The following HGSNAT variants were observed in gnomAD, a reference collection of about 807,000 sequenced individuals.
HGSNAT encodes the protein heparan-alpha-glucosaminide N-acetyltransferase, also known as transmembrane protein 76.
In HGSNAT, 59 loss-of-function variants were observed where a neutral mutation model predicts 85.2. The observed-to-expected ratio is 0.69, with a 90% CI of 0.56 to 0.86. The LOEUF (loss-of-function observed/expected upper bound fraction) is 0.86. Among genes scored for constraint, HGSNAT ranks in the 40% least tolerant of loss-of-function variants. The pLI is 0.00. For synonymous variants in HGSNAT, 321 were observed against 304.5 expected (o/e 1.05, Z -0.56); for missense variants, 756 against 777.1 (o/e 0.97, Z 0.32).
Position 43,147,004 on chromosome 8 carries a change from C to T in HGSNAT, c.175C>T (p.His59Tyr), listed in dbSNP as rs200689598. The change falls in exon 2 of 18, where the codon CAT (histidine) becomes TAT (tyrosine). Residue 59 changes from histidine (H) to tyrosine (Y), a missense_variant. By Grantham distance (83) the His-to-Tyr change is moderately conservative. Coordinates refer to ENST00000379644, the MANE Select transcript of HGSNAT (RefSeq NM_152419.3). ...LKMDQALLLI[H>Y]NELLWTNLTV... ...GATGGATCAGGCTTTGCTACTCATC[C>T]ATAATGAACTTCTCTGGACCAACTT... is the stretch of plus-strand genomic sequence containing the variant. The T allele has an allele frequency of 1.9e-6, 3 of 1,610,676 alleles. No individual in the cohort carries two copies. The highest frequency in any genetic ancestry group is 2.5e-6 in the Non-Finnish European group (3 of 1,179,048).
At chr8:43,165,407 C>T (rs1165024848) in intron 5 of HGSNAT, among the ~76,000 whole-genome samples, 1 of 152,010 alleles carries the variant, frequency 6.6e-6, no homozygotes, top group African/African-American at 2.4e-5. Flanking sequence ...TCAGATACAA[C>T]AATATTGAAA....
Position 43,140,502 on chromosome 8 carries a change from C to A in HGSNAT, c.6C>A (p.Ser2Arg), listed in dbSNP as rs535427008. 1.2e-5 allele frequency: 12 copies of A among 1,040,666 alleles called. No homozygotes were observed. The African/African-American group carries it at 2.1e-4, about 18-fold the overall frequency. 64.5% of individuals were successfully genotyped at this position (1,040,666 alleles called of 1,614,324 possible). The change falls in exon 1 of 18, where the codon AGC becomes AGA. Residue 2 changes from serine to arginine, a missense_variant. By Grantham distance (110) the Ser-to-Arg change is moderately radical (BLOSUM62 -1). Transcript: ENST00000379644. M[S>R]GAGRALAALL... ...CGGCCGAGCGGGCGGCGGGCATGAG[C>A]GGGGCGGGCAGGGCGCTGGCCGCGC...
intron 4 of HGSNAT, 126 bp downstream of exon 4, chr8:43,159,170 T>A (rs369207562): frequency 3.6e-6 from 3 of 823,876 alleles, no homozygotes; most frequent in East Asian, 2.7e-5. Context: ...CTTAGGTCAT[T>A]GATGAGCACC....
chr8:43,183,829 C>A (rs532695634), intron 11 of HGSNAT, among the ~76,000 whole-genome samples: 1 of 152,244 alleles, frequency 6.6e-6, no homozygotes, highest in African/African-American at 2.4e-5. Flanking sequence ...TGTTCCCCAC[C>A]CTGTGACCAA....
intron 14 of HGSNAT, chr8:43,196,708 C>G: frequency 1.7e-6 from 1 of 576,706 alleles, no homozygotes; most frequent in South Asian, 1.9e-5. Flanking sequence ...ACCTCTGTGG[C>G]TCGTCCTCTC....
chr8:43,194,980 T>G, intron 14 of HGSNAT, among the ~76,000 whole-genome samples: 1 of 152,156 alleles, frequency 6.6e-6, no homozygotes, highest in Non-Finnish European at 1.5e-5. Flanking sequence ...AAAATTTTTT[T>G]TCTCCTCTGT....
chr8:43,176,059 G>A (rs543946845), intron 9 of HGSNAT, among the ~76,000 whole-genome samples: 2 of 152,074 alleles, frequency 1.3e-5, no homozygotes, highest in African/African-American at 2.4e-5. Flanking sequence ...ATATGATCCC[G>A]TTTGTCCATT....
intron 7 of HGSNAT, among the ~76,000 whole-genome samples, chr8:43,171,269 A>G (rs940657530): frequency 5.9e-5 from 9 of 152,178 alleles, no homozygotes; most frequent in Non-Finnish European, 1.0e-4. Flanking sequence ...TCTGAACTCT[A>G]GTGACAACCC....
chr8:43,164,797 A>C (rs973260246), intron 5 of HGSNAT, among the ~76,000 whole-genome samples: 1 of 152,152 alleles, frequency 6.6e-6, no homozygotes, highest in African/African-American at 2.4e-5. Flanking sequence ...ATAAAAAATA[A>C]AGTGAGAGAC....
At position 43,192,841 on chromosome 8, in the gene HGSNAT, G is replaced by A. The variant is rs540208184; in HGVS notation, c.1377+411G>A. Among the ~76,000 whole-genome samples, 85 of 152,254 alleles carry A rather than the reference G, an allele frequency of 5.6e-4. 1 individual carries two copies. The highest frequency in any genetic ancestry group is 1.9e-3 in the African/African-American group (80 of 41,552). The stretch of plus-strand genomic sequence containing the variant: ...ATCATAGCACAGTGCTTTTCTGTAC[G>A]TCTCAGGTCGGATTTCCTGGCAGCA... On this transcript the variant is annotated intron_variant, in intron 13 of 17. Transcript: ENST00000379644.
Position 43,197,969 on chromosome 8 carries a change from C to G in HGSNAT, c.1726+17C>G. ...TTTATCCAGGTAAGTCACCTCCAAC[C>G]TCAAACAGAGCTGGGATGGTGACCA... On this transcript the variant is annotated intron_variant, in intron 17 of 17. Coordinates refer to ENST00000379644, the MANE Select transcript of HGSNAT (RefSeq NM_152419.3). 6.4e-7 allele frequency: 1 copy of G among 1,558,802 alleles called. No homozygotes were observed. The highest frequency in any genetic ancestry group is 8.8e-7 in the Non-Finnish European group (1 of 1,132,738).
intron 9 of HGSNAT, among the ~76,000 whole-genome samples, chr8:43,177,415 G>A (rs142046487): frequency 1.2e-4 from 18 of 151,862 alleles, no homozygotes; most frequent in African/African-American, 3.6e-4. Context: ...AAAATTAGCC[G>A]GGCACGGTGG....
At chr8:43,144,684 G>A (rs1351269466) in intron 1 of HGSNAT, among the ~76,000 whole-genome samples, 1 of 152,114 alleles carries the variant, frequency 6.6e-6, no homozygotes, top group African/African-American at 2.4e-5. Context: ...CTTTGGCCTA[G>A]AGAACCAAAA....
chr8:43,197,542 G>C lies in HGSNAT; in HGVS notation c.1543-130G>C, dbSNP rs559137798. 1.5e-4 allele frequency: 106 copies of C among 691,954 alleles called. No homozygotes were observed. In the African/African-American group the frequency reaches 1.8e-3, roughly 12 times the overall value. 42.9% of individuals were successfully genotyped at this position (691,954 alleles called of 1,614,324 possible). On this transcript the variant is annotated intron_variant, in intron 15 of 17. Transcript: ENST00000379644. ...TAAAAAAATATGTTTCCATTTAAAA[G>C]AGAAAAATATAAGGCACAAGTTTCA... is the stretch of plus-strand genomic sequence containing the variant.
chr8:43,140,585 GGC>G lies in HGSNAT; in HGVS notation c.93_94del (p.Asp32CysfsTer28). Reference sequence around the variant, plus strand: ...CTGCTGGCCCCCGGCGGCTCTTCGGGGCGCGATGCCCAGGCCGCGCCGCCACG... The same window carrying G: ...CTGCTGGCCCCCGGCGGCTCTTCGGGGCGATGCCCAGGCCGCGCCGCCACG... On this transcript the variant is annotated frameshift_variant, in exon 1 of 18. Coordinates refer to ENST00000379644, the MANE Select transcript of HGSNAT (RefSeq NM_152419.3). LOFTEE classifies it high-confidence loss of function. The G allele has an allele frequency of 8.1e-7, 1 of 1,233,578 alleles. No individual in the cohort carries two copies. Among genetic ancestry groups the G allele is most frequent in the Non-Finnish European group, 1.0e-6 (1 of 980,484 alleles). 76.4% of individuals were successfully genotyped at this position (1,233,578 alleles called of 1,614,324 possible).
intron 12 of HGSNAT, 145 bp from the exon 13 acceptor site, chr8:43,192,159 C>T: frequency 1.2e-6 from 1 of 810,720 alleles, no homozygotes; most frequent in Non-Finnish European, 1.8e-6. Flanking sequence ...AATTCCTGAC[C>T]TCAGGTGATC....
intron 11 of HGSNAT, 75 bp from the exon 12 acceptor site, chr8:43,191,399 T>C (rs1237298305): frequency 1.9e-6 from 3 of 1,546,284 alleles, no homozygotes; most frequent in Non-Finnish European, 2.6e-6. Flanking sequence ...ACCGGGAATT[T>C]CCTAAAGACA....
At chr8:43,145,880 C>G (rs983236723) in intron 1 of HGSNAT, among the ~76,000 whole-genome samples, 1 of 152,164 alleles carries the variant, frequency 6.6e-6, no homozygotes, top group African/African-American at 2.4e-5. Flanking sequence ...TCTTACCTTC[C>G]TCATTGTGTT....
chr8:43,188,950 A>G (rs562958913), intron 11 of HGSNAT, among the ~76,000 whole-genome samples: 1 of 152,274 alleles, frequency 6.6e-6, no homozygotes, highest in Admixed American at 6.5e-5. Flanking sequence ...TCACCAGTGG[A>G]GGCTGCAGAA....
Sources: allele counts gnomAD v4.1 joint callset (sites outside exome capture counted in the v4.1 genomes callset), GRCh38; gene constraint gnomAD v4.1.1; transcripts MANE v1.5; gene names NCBI Gene and HGNC (gene_info 2026-07-23, HGNC 2026-07-21).